Variants in B3GALT1 observed in about 807,000 individuals in gnomAD.
B3GALT1 encodes the protein UDP-Gal:betaGlcNAc beta 1,3-galactosyltransferase, polypeptide 1.
In B3GALT1, 10 loss-of-function variants were observed where a neutral mutation model predicts 23.2. The ratio of observed to expected loss-of-function variants is 0.43; its 90% CI spans 0.27 to 0.73. The LOEUF (loss-of-function observed/expected upper bound fraction) is 0.73, where lower values mean the gene tolerates loss of function less well. B3GALT1 is among the 30% of genes least tolerant of loss of function. The pLI, the probability that B3GALT1 is intolerant of heterozygous loss-of-function variation, is 0.21. For synonymous variants in B3GALT1, 156 were observed against 141.5 expected (o/e 1.10, Z -0.73); for missense variants, 299 against 405.4 (o/e 0.74, Z 2.25).
At chr2:167,819,086 A>AACTC (rs1266125970) in intron 4 of B3GALT1, among the ~76,000 whole-genome samples, 1 of 151,928 alleles carries the variant, frequency 6.6e-6, no homozygotes, top group African/African-American at 2.4e-5. Flanking sequence ...AGGAGAAAAA[A>AACTC]ACTCATAGCT....
intron 1 of B3GALT1, among the ~76,000 whole-genome samples, chr2:167,356,002 A>G (rs1209170191): frequency 2.6e-5 from 4 of 152,216 alleles, no homozygotes; most frequent in African/African-American, 9.6e-5. Context: ...TCCTAGTTCT[A>G]CAGTAATGTT....
intron 2 of B3GALT1, among the ~76,000 whole-genome samples, chr2:167,594,178 T>C (rs913547643): frequency 1.3e-5 from 2 of 152,196 alleles, no homozygotes; most frequent in Admixed American, 1.3e-4. Context: ...GTAGTTTTGC[T>C]GTGGGAGGCT....
At chr2:167,678,552 C>T (rs1686469779) in intron 3 of B3GALT1, among the ~76,000 whole-genome samples, 1 of 149,692 alleles carries the variant, frequency 6.7e-6, no homozygotes, top group Non-Finnish European at 1.5e-5. Context: ...CTTACAATAC[C>T]CACCACTCAG....
At chr2:167,566,646 C>G (rs1476523490) in intron 2 of B3GALT1, among the ~76,000 whole-genome samples, 1 of 152,024 alleles carries the variant, frequency 6.6e-6, no homozygotes, top group African/African-American at 2.4e-5. Flanking sequence ...GCTAATTGAG[C>G]CATATGAGTA....
chr2:167,738,017 A>G (rs1687519653), intron 3 of B3GALT1, among the ~76,000 whole-genome samples: 1 of 152,188 alleles, frequency 6.6e-6, no homozygotes, highest in Admixed American at 6.5e-5. Flanking sequence ...CTATCTGCTG[A>G]AGTTCCTCAG....
At chr2:167,670,133 C>G (rs983171669) in intron 3 of B3GALT1, among the ~76,000 whole-genome samples, 5 of 152,120 alleles carry the variant, frequency 3.3e-5, no homozygotes, top group African/African-American at 9.7e-5. Context: ...ACTGATGGTG[C>G]CTATGAGCCT....
chr2:167,419,185 A>C (rs961191604), intron 1 of B3GALT1, among the ~76,000 whole-genome samples: 3 of 152,230 alleles, frequency 2.0e-5, no homozygotes, highest in African/African-American at 4.8e-5. Context: ...CAAATAAAGA[A>C]CTGGCAAATA....
At chr2:167,644,563 G>A (rs1268061651) in intron 2 of B3GALT1, among the ~76,000 whole-genome samples, 4 of 151,924 alleles carry the variant, frequency 2.6e-5, no homozygotes, top group Non-Finnish European at 5.9e-5. Context: ...GGTGGATCAC[G>A]AGGTCAGGAG....
At chr2:167,684,318 T>C (rs1454084182) in intron 3 of B3GALT1, among the ~76,000 whole-genome samples, 1 of 152,224 alleles carries the variant, frequency 6.6e-6, no homozygotes, top group Non-Finnish European at 1.5e-5. Flanking sequence ...ATTACCTAAA[T>C]TTTTCCCATG....
intron 3 of B3GALT1, among the ~76,000 whole-genome samples, chr2:167,785,824 C>T (rs1290607426): frequency 6.6e-6 from 1 of 152,172 alleles, no homozygotes; most frequent in Non-Finnish European, 1.5e-5. Context: ...CATTTTTACT[C>T]TGCTCTTTGT....
intron 3 of B3GALT1, among the ~76,000 whole-genome samples, chr2:167,732,903 A>G (rs1393885938): frequency 6.6e-6 from 1 of 152,224 alleles, no homozygotes; most frequent in Non-Finnish European, 1.5e-5. Context: ...ACAGTATGTC[A>G]GGGATGGTGC....
At chr2:167,577,767 T>C (rs773794011) in intron 2 of B3GALT1, among the ~76,000 whole-genome samples, 1 of 151,896 alleles carries the variant, frequency 6.6e-6, no homozygotes, top group South Asian at 2.1e-4. Context: ...TGCAGTGTTA[T>C]GGAAGAAATA....
intron 1 of B3GALT1, among the ~76,000 whole-genome samples, chr2:167,323,899 T>A (rs1221177490): frequency 6.6e-6 from 1 of 152,086 alleles, no homozygotes; most frequent in Non-Finnish European, 1.5e-5. Context: ...ATCTGTGACC[T>A]ATTACTCCAA....
chr2:167,610,662 G>A (rs576452112), intron 2 of B3GALT1, among the ~76,000 whole-genome samples: 52 of 152,074 alleles, frequency 3.4e-4, no homozygotes, highest in African/African-American at 1.2e-3. Context: ...ATTCCAAAAT[G>A]TCTGCCTCCT....
At chr2:167,573,706 T>A (rs1346902992) in intron 2 of B3GALT1, among the ~76,000 whole-genome samples, 1 of 151,766 alleles carries the variant, frequency 6.6e-6, no homozygotes, top group African/African-American at 2.4e-5. Flanking sequence ...AATTTTTCAC[T>A]TAATGTATAG....
At chr2:167,354,009 C>T (rs1260447135) in intron 1 of B3GALT1, among the ~76,000 whole-genome samples, 2 of 151,998 alleles carry the variant, frequency 1.3e-5, no homozygotes, top group African/African-American at 4.8e-5. Flanking sequence ...ATTTTCTAGT[C>T]CTTTTCTTGT....
intron 2 of B3GALT1, among the ~76,000 whole-genome samples, chr2:167,591,738 G>A (rs1684686138): frequency 6.6e-6 from 1 of 152,082 alleles, no homozygotes; most frequent in Admixed American, 6.5e-5. Flanking sequence ...CTCCTAAAGT[G>A]GTGGGATTAC....
chr2:167,679,469 G>A (rs1384947129), intron 3 of B3GALT1, among the ~76,000 whole-genome samples: 4 of 152,208 alleles, frequency 2.6e-5, no homozygotes, highest in African/African-American at 9.6e-5. Flanking sequence ...GGTCAGGCTG[G>A]CCTGGAACTC....
chr2:167,641,160 G>T (rs1685646612), intron 2 of B3GALT1, among the ~76,000 whole-genome samples: 1 of 152,136 alleles, frequency 6.6e-6, no homozygotes. Flanking sequence ...AGGAAAGACA[G>T]TTATCAGAAA....
Sources: gnomAD v4.1 joint callset for allele counts (sites outside exome capture counted in the v4.1 genomes callset) on GRCh38, gnomAD v4.1.1 for gene constraint, MANE v1.5 for transcripts, NCBI Gene and HGNC (gene_info 2026-07-23, HGNC 2026-07-21) for gene names.